The following PLCL2 variants were observed in gnomAD, a reference collection of about 807,000 sequenced individuals.
PLCL2 encodes inactive phospholipase C-like protein 2.
A neutral mutation model predicts 79.6 loss-of-function variants in PLCL2; 4 were observed. The ratio of observed to expected loss-of-function variants is 0.05; its 90% confidence interval spans 0.02 to 0.11. The LOEUF (loss-of-function observed/expected upper bound fraction) is 0.11. PLCL2 is among the 10% of genes least tolerant of loss of function. The pLI is 1.00. For missense variants in PLCL2, 895 were observed against 1,291.0 expected (o/e 0.69, Z 4.70); for synonymous variants, 484 against 457.7 (o/e 1.06, Z -0.73).
At chr3:16,994,470 T>G (rs944860538) in intron 1 of PLCL2, among the ~76,000 whole-genome samples, 2 of 152,210 alleles carry the variant, frequency 1.3e-5, no homozygotes, top group African/African-American at 4.8e-5. Flanking sequence ...CTGTGCCACT[T>G]CAGCAGATGT....
At position 16,916,785 on chromosome 3, in the gene PLCL2, TAAAG is replaced by T. The variant is rs536428975; in HGVS notation, c.327+31421_327+31424del. On this transcript the variant is annotated intron_variant, in intron 1 of 5. Transcript: ENST00000615277. Reference sequence around the variant, plus strand: ...TTACAGAATTTTGAAAGATAAAAGATAAAGATAGTTAAAATCCTTGATTTTTCCT... The same window carrying T: ...TTACAGAATTTTGAAAGATAAAAGATATAGTTAAAATCCTTGATTTTTCCT... Among the ~76,000 whole-genome samples the T allele has an allele frequency of 2.5e-4, 38 of 152,310 alleles. 1 individual carries two copies. The South Asian group carries it at 7.3e-3, about 29-fold the overall frequency.
chr3:16,906,959 G>T (rs2197017), intron 1 of PLCL2, among the ~76,000 whole-genome samples: 5 of 152,104 alleles, frequency 3.3e-5, no homozygotes, highest in Non-Finnish European at 7.4e-5. Context: ...TTTTTTCCCC[G>T]CTGAGTTGCA....
intron 1 of PLCL2, among the ~76,000 whole-genome samples, chr3:16,907,479 C>T (rs1696778207): frequency 6.6e-6 from 1 of 152,184 alleles, no homozygotes; most frequent in Non-Finnish European, 1.5e-5. Flanking sequence ...GCACCTACCA[C>T]TATTCAGGAC....
At chr3:17,029,861 T>C (rs1018184168) in intron 3 of PLCL2, among the ~76,000 whole-genome samples, 3 of 152,174 alleles carry the variant, frequency 2.0e-5, no homozygotes, top group African/African-American at 7.2e-5. Flanking sequence ...TCTTCATCCT[T>C]ATCTCACCTG....
chr3:17,025,387 A>G (rs1269950684), intron 3 of PLCL2, among the ~76,000 whole-genome samples: 2 of 152,194 alleles, frequency 1.3e-5, no homozygotes, highest in South Asian at 4.1e-4. Context: ...CTGAAGTTAT[A>G]TCAGTCACTT....
intron 4 of PLCL2, among the ~76,000 whole-genome samples, chr3:17,065,961 AT>A (rs1182658238): frequency 6.6e-6 from 1 of 152,236 alleles, no homozygotes; most frequent in Non-Finnish European, 1.5e-5. Context: ...CATAATGAGT[AT>A]TAATTATTCC....
intron 1 of PLCL2, among the ~76,000 whole-genome samples, chr3:16,969,410 C>T (rs1420077773): frequency 1.3e-5 from 2 of 151,960 alleles, no homozygotes; most frequent in Admixed American, 1.3e-4. Context: ...ATTACGAATT[C>T]AGTTTTGGAA....
chr3:16,924,851 C>A (rs970302379), intron 1 of PLCL2, among the ~76,000 whole-genome samples: 2 of 152,060 alleles, frequency 1.3e-5, no homozygotes, highest in African/African-American at 4.8e-5. Flanking sequence ...TTAGAGTATA[C>A]CTCTAGGTCA....
intron 5 of PLCL2, among the ~76,000 whole-genome samples, chr3:17,084,120 A>G (rs2065191865): frequency 6.6e-6 from 1 of 152,236 alleles, no homozygotes; most frequent in Non-Finnish European, 1.5e-5. Context: ...CACAGATTTT[A>G]TGGACACTAA....
intron 4 of PLCL2, among the ~76,000 whole-genome samples, chr3:17,055,419 T>C (rs1165948591): frequency 6.6e-6 from 1 of 152,050 alleles, no homozygotes; most frequent in East Asian, 1.9e-4. Flanking sequence ...AGACAACAAC[T>C]AGGCCAACTC....
chr3:16,903,697 A>G (rs1011059328), intron 1 of PLCL2, among the ~76,000 whole-genome samples: 12 of 152,188 alleles, frequency 7.9e-5, no homozygotes, highest in African/African-American at 2.9e-4. Context: ...CATGTGTTAT[A>G]TGGTCAAGTG....
At chr3:16,966,466 G>A (rs553273834) in intron 1 of PLCL2, among the ~76,000 whole-genome samples, 2 of 152,028 alleles carry the variant, frequency 1.3e-5, no homozygotes, top group Non-Finnish European at 2.9e-5. Flanking sequence ...CAAGGATATT[G>A]GTCTAAAATT....
At chr3:17,047,792 C>A (rs1260073100) in intron 4 of PLCL2, among the ~76,000 whole-genome samples, 4 of 152,166 alleles carry the variant, frequency 2.6e-5, no homozygotes, top group Non-Finnish European at 5.9e-5. Flanking sequence ...CAGCAGCCTG[C>A]CTGCTGTGAC....
At chr3:17,014,616 G>A (rs1193864835) in intron 2 of PLCL2, 92 bp from the exon 3 acceptor site, 1 of 993,348 alleles carries the variant, frequency 1.0e-6, no homozygotes, top group Non-Finnish European at 1.6e-6. Flanking sequence ...GTACCAGGTG[G>A]TTCAAGCATA....
At chr3:16,953,769 T>C (rs1268030472) in intron 1 of PLCL2, among the ~76,000 whole-genome samples, 1 of 152,156 alleles carries the variant, frequency 6.6e-6, no homozygotes, top group Non-Finnish European at 1.5e-5. Flanking sequence ...CCATAGTTTT[T>C]TTTTTAATCA....
chr3:17,012,240 TTAA>T (rs1406719624), intron 2 of PLCL2, 80 bp downstream of exon 2: 42 of 1,230,084 alleles, frequency 3.4e-5, no homozygotes, highest in Non-Finnish European at 4.3e-5. Context: ...TATTGGTTTT[TTAA>T]TAATAGTATA....
intron 1 of PLCL2, among the ~76,000 whole-genome samples, chr3:16,948,469 G>C (rs1333031916): frequency 1.3e-5 from 2 of 152,158 alleles, no homozygotes; most frequent in Non-Finnish European, 2.9e-5. Flanking sequence ...AGAACTCTGT[G>C]AATATACTAA....
At chr3:16,963,460 A>G (rs2063774938) in intron 1 of PLCL2, among the ~76,000 whole-genome samples, 1 of 152,186 alleles carries the variant, frequency 6.6e-6, no homozygotes, top group South Asian at 2.1e-4. Context: ...TTAGCAATTC[A>G]TGAATAGATA....
At chr3:17,054,837 G>T (rs1302600018) in intron 4 of PLCL2, among the ~76,000 whole-genome samples, 1 of 152,126 alleles carries the variant, frequency 6.6e-6, no homozygotes, top group Non-Finnish European at 1.5e-5. Context: ...GAAGTGAAAG[G>T]TTCTTTCCTG....
Sources: gnomAD v4.1 joint callset for allele counts (sites outside exome capture counted in the v4.1 genomes callset) on GRCh38, gnomAD v4.1.1 for gene constraint, MANE v1.5 for transcripts, NCBI Gene and HGNC (gene_info 2026-07-23, HGNC 2026-07-21) for gene names.